The following TCERG1L variants were observed in gnomAD, a reference collection of about 807,000 sequenced individuals.
TCERG1L encodes the protein transcription elongation regulator 1-like protein.
TCERG1L carries 37 observed loss-of-function variants against 56.3 expected under a neutral mutation model. That is an observed-to-expected ratio of 0.66 (90% CI 0.51 to 0.87). The LOEUF (loss-of-function observed/expected upper bound fraction) is 0.87. Ranked by LOEUF, TCERG1L falls within the 40% of genes least tolerant of loss-of-function variation. The pLI is 0.00. For synonymous variants in TCERG1L, 324 were observed against 326.3 expected (o/e 0.99, Z 0.08); for missense variants, 799 against 774.2 (o/e 1.03, Z -0.38).
intron 7 of TCERG1L, among the ~76,000 whole-genome samples, chr10:131,138,327 T>G (rs1260200078): frequency 2.0e-5 from 3 of 152,152 alleles, no homozygotes; most frequent in Admixed American, 2.0e-4. Context: ...AGGCTGCCAT[T>G]CTCTGCTGAC....
At chr10:131,200,034 A>G in intron 4 of TCERG1L, among the ~76,000 whole-genome samples, 1 of 151,706 alleles carries the variant, frequency 6.6e-6, no homozygotes, top group Non-Finnish European at 1.5e-5. Flanking sequence ...CATCTATATC[A>G]CTACTTTTCC....
At chr10:131,302,546 T>C (rs1055069093) in intron 3 of TCERG1L, among the ~76,000 whole-genome samples, 2 of 151,964 alleles carry the variant, frequency 1.3e-5, no homozygotes, top group African/African-American at 2.4e-5. Context: ...AGGAGAAAAT[T>C]TGCATCTGTA....
chr10:131,187,737 G>A (rs1002282138), intron 4 of TCERG1L, among the ~76,000 whole-genome samples: 6 of 152,306 alleles, frequency 3.9e-5, no homozygotes, highest in African/African-American at 9.6e-5. Flanking sequence ...AAGAGAGGAC[G>A]CTGGGGTCAG....
intron 4 of TCERG1L, among the ~76,000 whole-genome samples, chr10:131,227,103 CCATT>C (rs1845798610): frequency 6.6e-6 from 1 of 152,206 alleles, no homozygotes; most frequent in South Asian, 2.1e-4. Flanking sequence ...GAGCGGCACC[CCATT>C]CAGAGACTTG....
At chr10:131,308,685 T>C (rs1846842796) in intron 2 of TCERG1L, among the ~76,000 whole-genome samples, 1 of 152,232 alleles carries the variant, frequency 6.6e-6, no homozygotes, top group Admixed American at 6.5e-5. Context: ...GACTAAGCTG[T>C]ATGACAAGTC....
At chr10:131,224,552 T>C (rs1332369513) in intron 4 of TCERG1L, among the ~76,000 whole-genome samples, 1 of 152,224 alleles carries the variant, frequency 6.6e-6, no homozygotes, top group Non-Finnish European at 1.5e-5. Flanking sequence ...GACAGCGAGA[T>C]GTCTGTGGCT....
rs2133489492 is a variant in TCERG1L at position 131,212,340 on chromosome 10, T to C, written c.857-45455A>G. Among the ~76,000 whole-genome samples the C allele has an allele frequency of 2.0e-5, 3 of 152,260 alleles. No individual in the cohort carries two copies. In the East Asian group the frequency reaches 5.8e-4, roughly 29 times the overall value. Reference sequence around the variant, plus strand: ...TGGTGTCCACATCCATGGCCTGAAGTTAAGGGTATACCAGTGCATGATCAG... The same window carrying C: ...TGGTGTCCACATCCATGGCCTGAAGCTAAGGGTATACCAGTGCATGATCAG... On this transcript the variant is annotated intron_variant, in intron 4 of 11. Coordinates refer to ENST00000368642, the MANE Select transcript of TCERG1L (RefSeq NM_174937.4).
intron 7 of TCERG1L, among the ~76,000 whole-genome samples, chr10:131,142,202 G>T (rs1845746165): frequency 6.6e-6 from 1 of 152,246 alleles, no homozygotes; most frequent in Non-Finnish European, 1.5e-5. Flanking sequence ...CTCCCAGAGA[G>T]CCTGGGGCAG....
At chr10:131,162,495 C>A (rs41305022) in intron 6 of TCERG1L, 2,809 of 152,396 alleles carry the variant, frequency 0.018, 51 homozygotes, top group Non-Finnish European at 0.028. Context: ...CTGTACCTGG[C>A]TGGCACATTG....
chr10:131,107,440 T>A (rs1845363849), intron 9 of TCERG1L, among the ~76,000 whole-genome samples: 1 of 152,246 alleles, frequency 6.6e-6, no homozygotes, highest in Non-Finnish European at 1.5e-5. Context: ...CTCATAATGA[T>A]AAAACCAACT....
intron 6 of TCERG1L, among the ~76,000 whole-genome samples, chr10:131,149,532 A>T (rs1467477021): frequency 6.6e-6 from 1 of 152,096 alleles, no homozygotes; most frequent in Non-Finnish European, 1.5e-5. Flanking sequence ...TACTATATGA[A>T]CTCTGCAGAC....
At chr10:131,242,709 A>G (rs1441138326) in intron 4 of TCERG1L, among the ~76,000 whole-genome samples, 1 of 152,198 alleles carries the variant, frequency 6.6e-6, no homozygotes, top group Non-Finnish European at 1.5e-5. Flanking sequence ...AAAATACTCC[A>G]AAGTCTGTGA....
At chr10:131,231,786 G>C (rs1290095575) in intron 4 of TCERG1L, among the ~76,000 whole-genome samples, 1 of 152,082 alleles carries the variant, frequency 6.6e-6, no homozygotes, top group Admixed American at 6.5e-5. Context: ...GCAAAAAAAA[G>C]ACCGGGACAG....
intron 4 of TCERG1L, among the ~76,000 whole-genome samples, chr10:131,182,755 C>T (rs1310932598): frequency 9.1e-6 from 1 of 110,066 alleles, no homozygotes; most frequent in Non-Finnish European, 1.9e-5. Context: ...GCTCACCTAA[C>T]TGATTTATTT....
intron 4 of TCERG1L, among the ~76,000 whole-genome samples, chr10:131,212,884 C>T (rs572660418): frequency 4.4e-4 from 67 of 152,350 alleles, no homozygotes; most frequent in Non-Finnish European, 8.1e-4. Context: ...AAGTGTGACA[C>T]AGGCATTACA....
intron 4 of TCERG1L, among the ~76,000 whole-genome samples, chr10:131,245,795 G>A (rs1215503756): frequency 1.3e-5 from 2 of 152,310 alleles, no homozygotes; most frequent in African/African-American, 4.8e-5. Context: ...AGTGCGCACG[G>A]GGCCTTTGTA....
intron 3 of TCERG1L, among the ~76,000 whole-genome samples, chr10:131,282,595 T>C (rs1846472970): frequency 6.6e-6 from 1 of 152,208 alleles, no homozygotes; most frequent in Admixed American, 6.5e-5. Flanking sequence ...TGTAAAAACC[T>C]GTGGAAGCAG....
intron 8 of TCERG1L, among the ~76,000 whole-genome samples, chr10:131,132,783 ACTTT>A (rs1473582191): frequency 6.6e-6 from 1 of 152,104 alleles, no homozygotes; most frequent in African/African-American, 2.4e-5. Flanking sequence ...CCCAAAAGTG[ACTTT>A]CTAAGGAGGA....
In TCERG1L at chr10:131,311,522, G is replaced by C; in HGVS notation, c.114C>G (p.Pro38=). 1 of 1,200,490 alleles carries C rather than the reference G, an allele frequency of 8.3e-7. No homozygotes were observed. The highest frequency in any genetic ancestry group is 1.0e-6 in the Non-Finnish European group (1 of 965,574). The allele number at this position is 1,200,490 out of a possible 1,614,324, so 74.4% of individuals were successfully genotyped here. The change falls in exon 1 of 12, where the codon CCC becomes CCG. Residue 38 remains proline (P), a synonymous_variant. Coordinates refer to ENST00000368642, the MANE Select transcript of TCERG1L (RefSeq NM_174937.4). This position sits in a 1 kb window ranked among gnomAD's most constrained non-coding sequence, Gnocchi z 4.0. ...CCGAGCCCGGCACCATCCAGACCCA[G>C]GGCGGCGGCGGCGGCGGCTCTGCGT... The part of the protein sequence containing the change: ...PMDAEPPPPP[P]WVWMVPGSAG...
Sources: gnomAD v4.1 joint callset for allele counts (sites outside exome capture counted in the v4.1 genomes callset) on GRCh38, gnomAD v4.1.1 for gene constraint, Gnocchi (gnomAD v3.1) non-coding constraint, MANE v1.5 for transcripts, NCBI Gene and HGNC (gene_info 2026-07-23, HGNC 2026-07-21) for gene names.